The following TEX44 variants were observed in gnomAD, a reference collection of about 807,000 sequenced individuals.
The protein encoded by TEX44 is testis-expressed protein 44.
For missense variants in TEX44, 487 were observed against 509.6 expected (o/e 0.96, Z 0.43); for synonymous variants, 196 against 205.9 (o/e 0.95, Z 0.41).
rs536233728 is a variant in TEX44 at position 231,593,182 on chromosome 2, C to T, written c.231C>T (p.His77=). 3.3e-5 allele frequency: 54 copies of T among 1,614,144 alleles called. No individual in the cohort carries two copies. In the East Asian group the frequency reaches 5.6e-4, roughly 17 times the overall value. ...DKDKSAVVPE[H]GQKTPRKITP... is the part of the protein sequence containing the mutation. ...ACAAGAGTGCAGTTGTTCCAGAACA[C>T]GGCCAGAAGACACCCAGAAAAATCA... Residue 77 remains histidine, a synonymous_variant, in exon 1 of 1, where the codon CAC becomes CAT. Coordinates refer to ENST00000313965, the MANE Select transcript of TEX44 (RefSeq NM_152614.3).
In TEX44 at chr2:231,594,146, G is replaced by A. The variant is rs1319431957; in HGVS notation, c.*7G>A. On this transcript the variant is annotated 3_prime_UTR_variant, in exon 1 of 1. Transcript: ENST00000313965. The stretch of plus-strand genomic sequence containing the variant: ...TGACCCCAACTATGATTAGAGCCCT[G>A]CACAGGGACCCCCGAAGGGCTGGTT... The A allele has an allele frequency of 6.2e-7, 1 of 1,610,062 alleles. No individual in the cohort carries two copies. The highest frequency in any genetic ancestry group is 1.7e-5 in the Admixed American group (1 of 59,892).
In TEX44 at chr2:231,593,518, C is replaced by T. The variant is rs1217278391; in HGVS notation, c.567C>T (p.Thr189=). 1.2e-6 allele frequency: 2 copies of T among 1,614,110 alleles called. No homozygotes were observed. The highest frequency in any genetic ancestry group is 1.7e-6 in the Non-Finnish European group (2 of 1,180,048). Residue 189 remains threonine (T), a synonymous_variant, in exon 1 of 1, where the codon ACC becomes ACT. Coordinates refer to ENST00000313965, the MANE Select transcript of TEX44 (RefSeq NM_152614.3). ...AGCATGGCCCTCAGGCTGCCAGCAC[C>T]ACCAAGTCTGCTGAGGAGAAAGCTG... The part of the protein sequence containing the change: ...NGQHGPQAAS[T]TKSAEEKAEH...
At position 231,593,275 on chromosome 2, in the gene TEX44, GGACAGGCAGGTTCAA is replaced by G. The variant is rs774347939; in HGVS notation, c.328_342del (p.Arg110_Asp114del). The G allele has an allele frequency of 6.2e-6, 10 of 1,614,160 alleles. No homozygotes were observed. The East Asian group carries it at 1.6e-4, about 25-fold the overall frequency. ...CTATGAGCCTTCAGAATCCAGCGTG[GGACAGGCAGGTTCAA>G]GACGCAAGGACAAGTCAGAGTCTAG... On this transcript the variant is annotated inframe_deletion, in exon 1 of 1. Coordinates refer to ENST00000313965, the MANE Select transcript of TEX44 (RefSeq NM_152614.3).
At position 231,593,610 on chromosome 2, in the gene TEX44, G is replaced by A. The variant is rs141371224; in HGVS notation, c.659G>A (p.Gly220Glu). ...LPSDESPVAM[G>E]ANVVDSLGDL... is the part of the protein sequence containing the mutation. ...TCTGATGAGTCCCCAGTGGCAATGG[G>A]GGCAAATGTGGTGGACAGCTTAGGA... is the stretch of plus-strand genomic sequence containing the variant. The change falls in exon 1 of 1, where the codon GGG becomes GAG. Residue 220 changes from glycine (G) to glutamate (E), a missense_variant. By Grantham distance (98) the Gly-to-Glu change is moderately conservative. Coordinates refer to ENST00000313965, the MANE Select transcript of TEX44 (RefSeq NM_152614.3). The A allele has an allele frequency of 1.3e-4, 214 of 1,613,896 alleles. No homozygotes were observed. The African/African-American group carries it at 2.4e-3, about 18-fold the overall frequency.
In TEX44 at chr2:231,593,393, G is replaced by A. The variant is rs201214237; in HGVS notation, c.442G>A (p.Ala148Thr). 30 of 1,614,226 alleles carry A rather than the reference G, an allele frequency of 1.9e-5. No homozygotes were observed. In the East Asian group the frequency reaches 6.5e-4, roughly 35 times the overall value. The change falls in exon 1 of 1, where the codon GCC (alanine) becomes ACC (threonine). Residue 148 changes from alanine to threonine, a missense_variant. Transcript: ENST00000313965. Reference protein sequence around the residue: ...ASVPEREPESAPSAPSAELQS... With the variant: ...ASVPEREPESTPSAPSAELQS... ...TGTTCCTGAGAGAGAGCCGGAGTCA[G>A]CCCCCTCTGCCCCGAGTGCTGAGCT...
At position 231,593,107 on chromosome 2, in the gene TEX44, C is replaced by T. The variant is rs965945607; in HGVS notation, c.156C>T (p.Ala52=). 6.2e-7 allele frequency: 1 copy of T among 1,614,128 alleles called. No individual in the cohort carries two copies. Among genetic ancestry groups the T allele is most frequent in the Non-Finnish European group, 8.5e-7 (1 of 1,180,018 alleles). The change falls in exon 1 of 1, where the codon GCC becomes GCT. Residue 52 remains alanine (A), a synonymous_variant. Coordinates refer to ENST00000313965, the MANE Select transcript of TEX44 (RefSeq NM_152614.3). ...CTGACTGGCAGGATATAGATCAGGC[C>T]TCCTTCAAGACGGCCACCCCCAGGG... The part of the protein sequence containing the change: ...ASTDWQDIDQ[A]SFKTATPRAI...
rs1171725213 is a variant in TEX44, at chr2:231,593,243, C to A, written c.292C>A (p.Gln98Lys). Residue 98 changes from glutamine to lysine, a missense_variant, in exon 1 of 1, where the codon CAA (glutamine) becomes AAA (lysine). Physicochemically the swap from Gln to Lys is moderately conservative, Grantham distance 53. Transcript: ENST00000313965. ...LLPSQNPSPL[Q>K]VSMSLQNPAW... ...TCCCAGCCAAAATCCAAGTCCCCTGCAAGTGTCTATGAGCCTTCAGAATCC... is the reference window on the plus strand; with the variant it reads ...TCCCAGCCAAAATCCAAGTCCCCTGAAAGTGTCTATGAGCCTTCAGAATCC... 2.5e-6 allele frequency: 4 copies of A among 1,614,056 alleles called. No homozygotes were observed. Among genetic ancestry groups the A allele is most frequent in the Non-Finnish European group, 3.4e-6 (4 of 1,180,036 alleles).
rs762426982 is a variant in TEX44 at position 231,593,646 on chromosome 2, C to G, written c.695C>G (p.Thr232Ser). ...NVVDSLGDLQTWFFPPPPAGS... is the reference protein window; with the variant it reads ...NVVDSLGDLQSWFFPPPPAGS... The stretch of plus-strand genomic sequence containing the variant: ...GTGGACAGCTTAGGAGACCTGCAGA[C>G]TTGGTTCTTCCCTCCACCTCCAGCA... Residue 232 changes from threonine (T) to serine (S), a missense_variant, in exon 1 of 1, where the codon ACT becomes AGT. Coordinates refer to ENST00000313965, the MANE Select transcript of TEX44 (RefSeq NM_152614.3). 1 of 1,613,702 alleles carries G rather than the reference C, an allele frequency of 6.2e-7. No homozygotes were observed. Among genetic ancestry groups the G allele is most frequent in the Non-Finnish European group, 8.5e-7 (1 of 1,180,042 alleles).
rs2047784451 is a variant in TEX44 at position 231,594,189 on chromosome 2, C to T, written c.*50C>T. ...GGCTGGTTCAGTGGCCTCCAGAGAT[C>T]CCTGGGACCCTCACGCCCTGCTCCC... On this transcript the variant is annotated 3_prime_UTR_variant, in exon 1 of 1. Transcript: ENST00000313965. 5 of 1,495,470 alleles carry T rather than the reference C, an allele frequency of 3.3e-6. No homozygotes were observed. Among genetic ancestry groups the T allele is most frequent in the Non-Finnish European group, 1.8e-6 (2 of 1,092,796 alleles). The allele number at this position is 1,495,470 out of a possible 1,614,324, so 92.6% of individuals were successfully genotyped here. A position where few individuals can be genotyped will look rare whatever the true frequency, so the allele number is the denominator to read the frequency against.
In TEX44 at chr2:231,593,432, C is replaced by G; in HGVS notation, c.481C>G (p.His161Asp). Residue 161 changes from histidine to aspartate, a missense_variant, in exon 1 of 1, where the codon CAC becomes GAC. Coordinates refer to ENST00000313965, the MANE Select transcript of TEX44 (RefSeq NM_152614.3). Reference sequence around the variant, plus strand: ...GAGTGCTGAGCTACAGTCCACCCAGCACATGGAGGCTCAGCCCGTCGAGAG... The same window carrying G: ...GAGTGCTGAGCTACAGTCCACCCAGGACATGGAGGCTCAGCCCGTCGAGAG... ...APSAELQSTQ[H>D]MEAQPVESDA... The G allele has an allele frequency of 1.2e-6, 2 of 1,614,224 alleles. No homozygotes were observed. The highest frequency in any genetic ancestry group is 1.7e-6 in the Non-Finnish European group (2 of 1,180,036).
the TEX44 span, chr2:231,593,303 AG>A: frequency 1.2e-6 from 2 of 1,614,224 alleles, no homozygotes; most frequent in Non-Finnish European, 8.5e-7. Flanking sequence ...CGCAAGGACA[AG>A]TCAGAGTCTA....
Position 231,594,080 on chromosome 2 carries a change from C to T in TEX44, c.1129C>T (p.Arg377Cys), listed in dbSNP as rs201411003. The change falls in exon 1 of 1, where the codon CGC becomes TGC. Residue 377 changes from arginine (R) to cysteine (C), a missense_variant. Transcript: ENST00000313965. Reference sequence around the variant, plus strand: ...CGTGGAGGGCATCCGCTCAGCCATGCGCTACCTGACCAGCCACCTCACCCC... The same window carrying T: ...CGTGGAGGGCATCCGCTCAGCCATGTGCTACCTGACCAGCCACCTCACCCC... ...RTVEGIRSAM[R>C]YLTSHLTPRQ... The T allele has an allele frequency of 4.3e-5, 69 of 1,613,402 alleles. No homozygotes were observed. The highest frequency in any genetic ancestry group is 1.5e-4 in the African/African-American group (11 of 75,052).
In TEX44 at chr2:231,592,864, A is replaced by C; in HGVS notation, c.-88A>C. On this transcript the variant is annotated 5_prime_UTR_variant, in exon 1 of 1. Coordinates refer to ENST00000313965, the MANE Select transcript of TEX44 (RefSeq NM_152614.3). The stretch of plus-strand genomic sequence containing the variant: ...AACTCAGCCCAGCTGGGTTGCAGCC[A>C]CTCCCTCCAACCGCCACAAGCAGCA... 9.5e-7 allele frequency: 1 copy of C among 1,056,238 alleles called. No homozygotes were observed. 65.4% of individuals were successfully genotyped at this position (1,056,238 alleles called of 1,614,324 possible).
chr2:231,594,227 G>T lies in TEX44; in HGVS notation c.*88G>T. ...ACGCCCTGCTCCCTTGCCCATTCTT[G>T]CTCTGGACGGTTCCCCCAGCCCATG... On this transcript the variant is annotated 3_prime_UTR_variant, in exon 1 of 1. Transcript: ENST00000313965. 1 of 1,117,666 alleles carries T rather than the reference G, an allele frequency of 8.9e-7. No individual in the cohort carries two copies. The highest frequency in any genetic ancestry group is 1.3e-6 in the Non-Finnish European group (1 of 783,492). The allele number at this position is 1,117,666 out of a possible 1,614,324, so 69.2% of individuals were successfully genotyped here. A position where few individuals can be genotyped will look rare whatever the true frequency, so the allele number is the denominator to read the frequency against.
chr2:231,593,113 C>G lies in TEX44; in HGVS notation c.162C>G (p.Phe54Leu). ...GGCAGGATATAGATCAGGCCTCCTTCAAGACGGCCACCCCCAGGGCCATAT... is the reference window on the plus strand; with the variant it reads ...GGCAGGATATAGATCAGGCCTCCTTGAAGACGGCCACCCCCAGGGCCATAT... ...TDWQDIDQAS[F>L]KTATPRAIST... The change falls in exon 1 of 1, where the codon TTC becomes TTG. Residue 54 changes from phenylalanine (F) to leucine (L), a missense_variant. Coordinates refer to ENST00000313965, the MANE Select transcript of TEX44 (RefSeq NM_152614.3). 6.2e-7 allele frequency: 1 copy of G among 1,614,154 alleles called. No homozygotes were observed. The highest frequency in any genetic ancestry group is 1.3e-5 in the African/African-American group (1 of 75,028).
Position 231,593,843 on chromosome 2 carries a change from G to C in TEX44, c.892G>C (p.Glu298Gln). 1 of 1,610,896 alleles carries C rather than the reference G, an allele frequency of 6.2e-7. No homozygotes were observed. Residue 298 changes from glutamate to glutamine, a missense_variant, in exon 1 of 1, where the codon GAG becomes CAG. By Grantham distance (29) the Glu-to-Gln change is conservative. Coordinates refer to ENST00000313965, the MANE Select transcript of TEX44 (RefSeq NM_152614.3). ...SSLADILVWSETTMGMAIATG... is the reference protein window; with the variant it reads ...SSLADILVWSQTTMGMAIATG... The stretch of plus-strand genomic sequence containing the variant: ...CCTGGCAGACATCCTGGTGTGGTCC[G>C]AGACCACCATGGGCATGGCCATAGC...
In TEX44 at chr2:231,593,333, C is replaced by A; in HGVS notation, c.382C>A (p.Leu128Ile). ...SQSLVVFPSH[L>I]LGKDKMSQMA... ...GAGTCTAGTGGTTTTCCCAAGTCAC[C>A]TCCTGGGTAAAGACAAGATGTCACA... Residue 128 changes from leucine (L) to isoleucine (I), a missense_variant, in exon 1 of 1, where the codon CTC (leucine) becomes ATC (isoleucine). Transcript: ENST00000313965. 6.2e-7 allele frequency: 1 copy of A among 1,614,184 alleles called. No individual in the cohort carries two copies. Among genetic ancestry groups the A allele is most frequent in the African/African-American group, 1.3e-5 (1 of 75,050 alleles).
rs1385340839 is a variant in TEX44, at chr2:231,594,139, G to C, written c.1188G>C (p.Ter396TyrextTer?). ...RQAQADPNYD[*>Y] ...CCCAGGCTGACCCCAACTATGATTA[G>C]AGCCCTGCACAGGGACCCCCGAAGG... Residue 396 changes from the stop codon to tyrosine (Y), a stop_lost, in exon 1 of 1, where the codon TAG (stop) becomes TAC (tyrosine). Coordinates refer to ENST00000313965, the MANE Select transcript of TEX44 (RefSeq NM_152614.3). The C allele has an allele frequency of 4.3e-6, 7 of 1,612,314 alleles. No homozygotes were observed. Among genetic ancestry groups the C allele is most frequent in the Middle Eastern group, 1.7e-4 (1 of 6,050 alleles).
chr2:231,593,074 C>T lies in TEX44; in HGVS notation c.123C>T (p.Val41=), dbSNP rs142682002. The change falls in exon 1 of 1, where the codon GTC becomes GTT. Residue 41 remains valine (V), a synonymous_variant. Transcript: ENST00000313965. The part of the protein sequence containing the change: ...TADVLAVSSS[V]ASTDWQDIDQ... Reference sequence around the variant, plus strand: ...ATGTCTTGGCAGTGAGCAGCTCTGTCGCATCCACTGACTGGCAGGATATAG... The same window carrying T: ...ATGTCTTGGCAGTGAGCAGCTCTGTTGCATCCACTGACTGGCAGGATATAG... The T allele has an allele frequency of 1.1e-3, 1,838 of 1,614,180 alleles. 11 individuals are homozygous for T. The highest frequency in any genetic ancestry group is 5.3e-3 in the Middle Eastern group (32 of 6,062).
Sources: gnomAD v4.1 joint callset for allele counts on GRCh38, gnomAD v4.1.1 for gene constraint, MANE v1.5 for transcripts, NCBI Gene and HGNC (gene_info 2026-07-23, HGNC 2026-07-21) for gene names.